COQ8B: variants seen among roughly 807,000 people sequenced by gnomAD.
The protein encoded by COQ8B is coenzyme Q8B, also known as atypical kinase COQ8B, mitochondrial.
A neutral mutation model predicts 62.0 loss-of-function variants in COQ8B; 44 were observed. The ratio of observed to expected loss-of-function variants is 0.71; its 90% CI spans 0.56 to 0.91. COQ8B has a LOEUF of 0.91. Ranked by LOEUF, COQ8B falls within the 40% of genes least tolerant of loss-of-function variation. The pLI is 0.00. For synonymous variants in COQ8B, 252 were observed against 289.9 expected, an observed-to-expected ratio of 0.87 and a Z score of 1.33; for missense variants, 649 against 731.6, an observed-to-expected ratio of 0.89 and a Z score of 1.30.
rs760657952 is a variant in COQ8B at position 40,692,341 on chromosome 19, C to G, written c.1329G>C (p.Met443Ile). ...GGGTGGCGAAAGGCTCCCCCAGGAT[C>G]ATCACTGCCTCCACGTGGGCGTCGG... Reference protein sequence around the residue: ...AFSDAHVEAVMILGEPFATQG... With the variant: ...AFSDAHVEAVIILGEPFATQG... The change falls in exon 15 of 15, where the codon ATG (methionine) becomes ATC (isoleucine). Residue 443 changes from methionine (M) to isoleucine (I), a missense_variant. Physicochemically the swap from Met to Ile is conservative, Grantham distance 10. Transcript: ENST00000324464. 3.1e-6 allele frequency: 5 copies of G among 1,613,610 alleles called. No individual in the cohort carries two copies. The highest frequency in any genetic ancestry group is 4.2e-6 in the Non-Finnish European group (5 of 1,179,848).
At chr19:40,694,462 C>T (rs1055152588) in intron 13 of COQ8B, among the ~76,000 whole-genome samples, 11 of 152,222 alleles carry the variant, frequency 7.2e-5, no homozygotes, top group Non-Finnish European at 1.2e-4. Flanking sequence ...GCTGCAGCCT[C>T]GTCACTGTGC....
At position 40,714,825 on chromosome 19, in the gene COQ8B, C is replaced by T. The variant is rs960693251; in HGVS notation, c.-3-190G>A. 3 of 1,351,442 alleles carry T rather than the reference C, an allele frequency of 2.2e-6. No individual in the cohort carries two copies. In the African/African-American group the frequency reaches 4.6e-5, roughly 21 times the overall value. 83.7% of individuals were successfully genotyped at this position (1,351,442 alleles called of 1,614,324 possible). A position where few individuals can be genotyped will look rare whatever the true frequency, so the allele number is the denominator to read the frequency against. ...ACCCTTAGCTCTTCCTGCAGGCCTC[C>T]CAAAACCCACTTTCCCCCCTCTCCC... On this transcript the variant is annotated intron_variant, in intron 1 of 14. Transcript: ENST00000324464.
At chr19:40,697,534 C>T (rs904288396) in intron 12 of COQ8B, among the ~76,000 whole-genome samples, 23 of 152,066 alleles carry the variant, frequency 1.5e-4, no homozygotes, top group African/African-American at 5.3e-4. Context: ...TGATGGCTCA[C>T]ACCTGTAATC....
chr19:40,711,770 T>C (rs2082143561), intron 4 of COQ8B, among the ~76,000 whole-genome samples: 1 of 152,208 alleles, frequency 6.6e-6, no homozygotes, highest in Non-Finnish European at 1.5e-5. Context: ...CTGTTCCCAG[T>C]GCCTTCTGTG....
chr19:40,714,024 T>G, intron 4 of COQ8B, 43 bp downstream of exon 4: 1 of 1,603,660 alleles, frequency 6.2e-7, no homozygotes, highest in Non-Finnish European at 8.5e-7. Flanking sequence ...ATGTTGCCCT[T>G]TCTAATTGAG....
Position 40,692,390 on chromosome 19 carries a change from G to A in COQ8B, c.1297-17C>T. 1 of 1,609,740 alleles carries A rather than the reference G, an allele frequency of 6.2e-7. No homozygotes were observed. The highest frequency in any genetic ancestry group is 8.5e-7 in the Non-Finnish European group (1 of 1,178,564). ...GGAGAATGCCTGGGAGTGGGGGTGG[G>A]GGGAGAGCAAAGGCAGCCAGTGTGG... On this transcript the variant is annotated splice_polypyrimidine_tract_variant and intron_variant, in intron 14 of 14. Transcript: ENST00000324464.
chr19:40,713,702 C>CTCTGTCTCCTGAGACTCTGTCTCCT (rs1568444099), intron 4 of COQ8B, among the ~76,000 whole-genome samples: 3 of 145,940 alleles, frequency 2.1e-5, no homozygotes, highest in African/African-American at 7.7e-5. Flanking sequence ...GGCAACAGAG[C>CTCTGTCTCCTGAGACTCTGTCTCCT]GAGACTCTGT....
intron 12 of COQ8B, among the ~76,000 whole-genome samples, chr19:40,699,126 T>C (rs1288523293): frequency 7.0e-6 from 1 of 142,110 alleles, no homozygotes; most frequent in South Asian, 2.2e-4. Context: ...TGGTCTCAGC[T>C]TTTTTTTTTT....
At chr19:40,694,225 C>T (rs1044502321) in intron 13 of COQ8B, among the ~76,000 whole-genome samples, 3 of 152,202 alleles carry the variant, frequency 2.0e-5, no homozygotes, top group African/African-American at 7.2e-5. Context: ...ACTTCTAGCC[C>T]GTCTGCTCCC....
Position 40,705,306 on chromosome 19 carries a change from G to A in COQ8B, c.490+19C>T, listed in dbSNP as rs1468890557. 2 of 1,586,064 alleles carry A rather than the reference G, an allele frequency of 1.3e-6. No homozygotes were observed. Among genetic ancestry groups the A allele is most frequent in the Non-Finnish European group, 1.7e-6 (2 of 1,161,152 alleles). Reference sequence around the variant, plus strand: ...GTAGAAGGGAGGTCAGGGGTCAGGAGTCGAGGGTCATGCTGTACCCTGGAT... The same window carrying A: ...GTAGAAGGGAGGTCAGGGGTCAGGAATCGAGGGTCATGCTGTACCCTGGAT... On this transcript the variant is annotated intron_variant, in intron 6 of 14. Transcript: ENST00000324464.
intron 9 of COQ8B, chr19:40,703,321 T>TAAGCTCTTGGCTGCCAC: frequency 1.8e-6 from 1 of 542,548 alleles, no homozygotes; most frequent in Non-Finnish European, 3.2e-6. Flanking sequence ...GGCCCTGGGC[T>TAAGCTCTTGGCTGCCAC]CCCGTCTCTC....
chr19:40,707,133 G>T (rs977952678), intron 5 of COQ8B, among the ~76,000 whole-genome samples: 6 of 152,058 alleles, frequency 3.9e-5, no homozygotes, highest in Non-Finnish European at 7.4e-5. Context: ...GCTGGGCATG[G>T]TGGTGCATGC....
chr19:40,713,785 G>A (rs2082161977), intron 4 of COQ8B, among the ~76,000 whole-genome samples: 1 of 149,584 alleles, frequency 6.7e-6, no homozygotes, highest in South Asian at 2.1e-4. Context: ...TCAGGAGGCT[G>A]AGGCGAGAGA....
At position 40,705,066 on chromosome 19, in the gene COQ8B, C is replaced by A. The variant is rs372379297; in HGVS notation, c.576+30G>T. On this transcript the variant is annotated intron_variant, in intron 7 of 14. Coordinates refer to ENST00000324464, the MANE Select transcript of COQ8B (RefSeq NM_024876.4). ...GGTCAGAGGAGATGGAGCCTGCCTC[C>A]CTCACCGCCCTCCCCCACTGGGCAC... 3.4e-4 allele frequency: 527 copies of A among 1,570,802 alleles called. No homozygotes were observed. Among genetic ancestry groups the A allele is most frequent in the Non-Finnish European group, 7.1e-5 (82 of 1,157,610 alleles).
At chr19:40,693,822 G>A (rs987997725) in intron 13 of COQ8B, among the ~76,000 whole-genome samples, 11 of 152,168 alleles carry the variant, frequency 7.2e-5, no homozygotes, top group Non-Finnish European at 1.2e-4. Context: ...GTGGGCACGG[G>A]GGTCCCTATT....
In COQ8B at chr19:40,702,630, C is replaced by T. The variant is rs142018195; in HGVS notation, c.863G>A (p.Arg288His). Reference protein sequence around the residue: ...QQELAWECDYRREAACAQNFR... With the variant: ...QQELAWECDYHREAACAQNFR... ...ATTCTGGGCACAAGCCGCCTCACGACGGTAGTCACACTCCCAAGCCAGCTC... is the reference window on the plus strand; with the variant it reads ...ATTCTGGGCACAAGCCGCCTCACGATGGTAGTCACACTCCCAAGCCAGCTC... Residue 288 changes from arginine to histidine, a missense_variant, in exon 10 of 15, where the codon CGT becomes CAT. Transcript: ENST00000324464. The T allele has an allele frequency of 4.0e-5, 65 of 1,612,658 alleles. No individual in the cohort carries two copies. In the African/African-American group the frequency reaches 5.1e-4, roughly 13 times the overall value.
chr19:40,712,355 A>ACC, intron 4 of COQ8B, among the ~76,000 whole-genome samples: 1 of 150,776 alleles, frequency 6.6e-6, no homozygotes, highest in East Asian at 2.0e-4. Context: ...CAGGCGGATC[A>ACC]TGAGGTCAGG....
At chr19:40,715,743 G>T in intron 1 of COQ8B, 1 of 407,416 alleles carries the variant, frequency 2.5e-6, no homozygotes, top group Non-Finnish European at 3.3e-6. Flanking sequence ...TCTGCTTCCT[G>T]TAGGCCTGAC....
intron 4 of COQ8B, among the ~76,000 whole-genome samples, chr19:40,710,432 T>C (rs918048486): frequency 4.6e-5 from 7 of 152,144 alleles, no homozygotes; most frequent in Admixed American, 2.6e-4. Flanking sequence ...GTATTTTTAG[T>C]AGAGACGGGG....
Sources: gnomAD v4.1 joint callset for allele counts (sites outside exome capture counted in the v4.1 genomes callset) on GRCh38, gnomAD v4.1.1 for gene constraint, MANE v1.5 for transcripts, NCBI Gene and HGNC (gene_info 2026-07-23, HGNC 2026-07-21) for gene names.